The following UBAC2 variants were observed in gnomAD, a reference collection of about 807,000 sequenced individuals.
The protein encoded by UBAC2 is ubiquitin-associated domain-containing protein 2.
In UBAC2, 26 loss-of-function variants were observed where a neutral mutation model predicts 44.0. The observed-to-expected ratio is 0.59, with a 90% confidence interval of 0.43 to 0.82. UBAC2 has a LOEUF of 0.82. Among genes scored for constraint, UBAC2 ranks in the 40% least tolerant of loss-of-function variants. The pLI, the probability that UBAC2 is intolerant of heterozygous loss-of-function variation, is 0.00. For missense variants in UBAC2, 329 were observed against 419.4 expected, an observed-to-expected ratio of 0.78 and a Z score of 1.88; for synonymous variants, 155 against 154.3, an observed-to-expected ratio of 1.00 and a Z score of -0.04.
At chr13:99,307,043 T>G (rs901082117) in intron 4 of UBAC2, among the ~76,000 whole-genome samples, 2 of 152,228 alleles carry the variant, frequency 1.3e-5, no homozygotes, top group African/African-American at 4.8e-5. Flanking sequence ...TGCATAGTTT[T>G]GCTTGATACT....
intron 1 of UBAC2, among the ~76,000 whole-genome samples, chr13:99,223,293 TTAA>T (rs2043071403): frequency 1.3e-5 from 2 of 152,166 alleles, no homozygotes. Context: ...TACTATCCTT[TTAA>T]TGTCTCTGGG....
In UBAC2 at chr13:99,383,642, G is replaced by A. The variant is rs535269089; in HGVS notation, c.928-1586G>A. Among the ~76,000 whole-genome samples, 11 of 152,360 alleles carry A rather than the reference G, an allele frequency of 7.2e-5. No homozygotes were observed. In the South Asian group the frequency reaches 8.3e-4, roughly 11 times the overall value. ...TAGCCAGGGCTGTGCGTCAGTCCCC[G>A]TGCTAAGGGTTGAAAGCAACGTTCC... is the stretch of plus-strand genomic sequence containing the variant. On this transcript the variant is annotated intron_variant, in intron 8 of 8. Coordinates refer to ENST00000403766, the MANE Select transcript of UBAC2 (RefSeq NM_001144072.2).
chr13:99,252,735 T>G (rs1366880192), intron 4 of UBAC2, among the ~76,000 whole-genome samples: 1 of 152,206 alleles, frequency 6.6e-6, no homozygotes, highest in Non-Finnish European at 1.5e-5. Context: ...TGTATTTGGT[T>G]ATAATGCTAA....
intron 7 of UBAC2, among the ~76,000 whole-genome samples, chr13:99,366,078 C>T (rs983716321): frequency 1.3e-5 from 2 of 152,012 alleles, no homozygotes; most frequent in African/African-American, 2.4e-5. Flanking sequence ...AACTTGTGTA[C>T]GTCTTTATAT....
chr13:99,271,116 T>C (rs903090230), intron 4 of UBAC2, among the ~76,000 whole-genome samples: 1 of 152,152 alleles, frequency 6.6e-6, no homozygotes, highest in Admixed American at 6.6e-5. Flanking sequence ...CTGTACATTG[T>C]AATTGAGGGT....
intron 1 of UBAC2, 31 bp downstream of exon 1, chr13:99,200,970 C>G: frequency 7.7e-7 from 1 of 1,301,174 alleles, no homozygotes; most frequent in Non-Finnish European, 9.8e-7. Flanking sequence ...TCCTGGCTGC[C>G]CCCTACACGC....
At chr13:99,265,650 A>G (rs1167224845) in intron 4 of UBAC2, among the ~76,000 whole-genome samples, 1 of 152,196 alleles carries the variant, frequency 6.6e-6, no homozygotes, top group Non-Finnish European at 1.5e-5. Context: ...TGCGTCTTCA[A>G]ACGTTTCAGC....
At chr13:99,279,083 C>T (rs1487245067) in intron 4 of UBAC2, among the ~76,000 whole-genome samples, 1 of 152,044 alleles carries the variant, frequency 6.6e-6, no homozygotes, top group Non-Finnish European at 1.5e-5. Flanking sequence ...TAAGCTGTTC[C>T]CTTTCTCCTT....
chr13:99,384,125 G>T (rs2045587838), intron 8 of UBAC2, among the ~76,000 whole-genome samples: 1 of 151,928 alleles, frequency 6.6e-6, no homozygotes, highest in Non-Finnish European at 1.5e-5. Context: ...AGGAAGGGGT[G>T]GTGATACTGG....
At chr13:99,254,985 T>G (rs769523403) in intron 4 of UBAC2, 2 of 1,614,128 alleles carry the variant, frequency 1.2e-6, no homozygotes, top group Non-Finnish European at 1.7e-6. Flanking sequence ...CACTAATGAC[T>G]CGAGCCTGAA....
chr13:99,294,065 T>C (rs1489336016), intron 4 of UBAC2, among the ~76,000 whole-genome samples: 1 of 152,154 alleles, frequency 6.6e-6, no homozygotes, highest in Non-Finnish European at 1.5e-5. Flanking sequence ...TATATAATAT[T>C]GTAAAGAATC....
intron 8 of UBAC2, among the ~76,000 whole-genome samples, chr13:99,378,163 C>T (rs1368403939): frequency 6.6e-6 from 1 of 152,206 alleles, no homozygotes; most frequent in Non-Finnish European, 1.5e-5. Context: ...CACCTTGACT[C>T]AGAACCATCT....
intron 1 of UBAC2, among the ~76,000 whole-genome samples, chr13:99,227,274 T>C (rs1361720876): frequency 6.6e-6 from 1 of 151,676 alleles, no homozygotes; most frequent in Non-Finnish European, 1.5e-5. Context: ...AACTCTGAAA[T>C]ATCAGGAACC....
chr13:99,211,198 A>G (rs1462177986), intron 1 of UBAC2, among the ~76,000 whole-genome samples: 13 of 152,172 alleles, frequency 8.5e-5, no homozygotes, highest in Admixed American at 7.2e-4. Flanking sequence ...GAGGATAGGT[A>G]TTGTTATTTT....
chr13:99,212,013 A>G (rs1232637149), intron 1 of UBAC2, among the ~76,000 whole-genome samples: 4 of 152,162 alleles, frequency 2.6e-5, no homozygotes, highest in Non-Finnish European at 5.9e-5. Context: ...GACATGTTTT[A>G]TGTCCTGATT....
intron 1 of UBAC2, among the ~76,000 whole-genome samples, chr13:99,221,061 T>G (rs2043047657): frequency 6.6e-6 from 1 of 152,198 alleles, no homozygotes; most frequent in Non-Finnish European, 1.5e-5. Flanking sequence ...TTCTACAACC[T>G]ATTGCTTAAT....
intron 6 of UBAC2, among the ~76,000 whole-genome samples, chr13:99,338,047 C>CTTTTCTTTTTTTTTTTTTTTT (rs2044820894): frequency 2.0e-5 from 1 of 48,852 alleles, no homozygotes; most frequent in African/African-American, 7.1e-5. Context: ...TTCTTTTTTT[C>CTTTTCTTTTTTTTTTTTTTTT]TTTTTTTTTT....
chr13:99,284,949 G>A (rs1429833916), intron 4 of UBAC2, among the ~76,000 whole-genome samples: 3 of 152,054 alleles, frequency 2.0e-5, no homozygotes, highest in African/African-American at 7.2e-5. Flanking sequence ...CAAGCAGAGA[G>A]AATAAAATGA....
chr13:99,201,518 T>C (rs1417239364), intron 1 of UBAC2: 1 of 1,614,196 alleles, frequency 6.2e-7, no homozygotes. Context: ...GGAGCGCAGC[T>C]GTGCTGCTGG....
Sources: allele counts gnomAD v4.1 joint callset (sites outside exome capture counted in the v4.1 genomes callset), GRCh38; gene constraint gnomAD v4.1.1; transcripts MANE v1.5; gene names NCBI Gene and HGNC (gene_info 2026-07-23, HGNC 2026-07-21).